The following TCF7L1 variants were observed in gnomAD, a reference collection of about 807,000 sequenced individuals.
TCF7L1 encodes transcription factor 7-like 1.
In TCF7L1, 18 loss-of-function variants were observed where a neutral mutation model predicts 63.7. The ratio of observed to expected loss-of-function variants is 0.28; its 90% CI spans 0.20 to 0.42. The LOEUF is 0.42. Ranked by LOEUF, TCF7L1 falls within the 10% of genes least tolerant of loss-of-function variation. The pLI is 1.00. For missense variants in TCF7L1, 654 were observed against 779.3 expected (o/e 0.84, Z 1.91); for synonymous variants, 355 against 340.9 (o/e 1.04, Z -0.46).
chr2:85,280,035 C>G (rs1037348070), intron 3 of TCF7L1, among the ~76,000 whole-genome samples: 1 of 152,180 alleles, frequency 6.6e-6, no homozygotes, highest in Non-Finnish European at 1.5e-5. Flanking sequence ...GTACAAAATA[C>G]AAGCATACAT....
intron 3 of TCF7L1, chr2:85,213,533 GC>G (rs1689250914): frequency 6.6e-6 from 1 of 152,162 alleles, no homozygotes; most frequent in African/African-American, 2.4e-5. Context: ...CTAAGGATTT[GC>G]CATTTCCGGC....
At position 85,280,885 on chromosome 2, in the gene TCF7L1, A is replaced by G. The variant is rs113281390; in HGVS notation, c.442-2610A>G. 1.8e-4 allele frequency among the ~76,000 whole-genome samples: 28 copies of G among 152,302 alleles called. 2 individuals are homozygous for G. Among genetic ancestry groups the G allele is most frequent in the African/African-American group, 6.5e-4 (27 of 41,562 alleles). ...GGCTGCGGGTGGAGAGTTGAGGAAG[A>G]CAGTCTTAGGAAAAGCTTCGTGACT... is the stretch of plus-strand genomic sequence containing the variant. On this transcript the variant is annotated intron_variant, in intron 3 of 11. Coordinates refer to ENST00000282111, the MANE Select transcript of TCF7L1 (RefSeq NM_031283.3).
At chr2:85,170,747 G>T (rs1413955450) in intron 3 of TCF7L1, among the ~76,000 whole-genome samples, 1 of 152,130 alleles carries the variant, frequency 6.6e-6, no homozygotes, top group Non-Finnish European at 1.5e-5. Context: ...TTTTGAAAGT[G>T]ATTTTTTCCC....
intron 3 of TCF7L1, among the ~76,000 whole-genome samples, chr2:85,140,830 CA>C (rs1286744556): frequency 6.6e-6 from 1 of 152,032 alleles, no homozygotes; most frequent in Non-Finnish European, 1.5e-5. Flanking sequence ...CATTGCACTC[CA>C]ACCTGGGCAA....
Position 85,134,479 on chromosome 2 carries a change from G to A in TCF7L1, c.441+29G>A. The A allele has an allele frequency of 6.5e-7, 1 of 1,545,944 alleles. No homozygotes were observed. The highest frequency in any genetic ancestry group is 8.7e-7 in the Non-Finnish European group (1 of 1,144,670). On this transcript the variant is annotated intron_variant, in intron 3 of 11. Coordinates refer to ENST00000282111, the MANE Select transcript of TCF7L1 (RefSeq NM_031283.3). The surrounding 1 kb of genome is among the most constrained non-coding windows in gnomAD (Gnocchi z 5.0). ...AGTGCCCGTCGGGCGCGCCGGGGAG[G>A]GTGGGAGGCCGCGGCCCGCAGGATG...
chr2:85,191,616 G>A (rs1005169606), intron 3 of TCF7L1, among the ~76,000 whole-genome samples: 28 of 152,150 alleles, frequency 1.8e-4, no homozygotes, highest in Admixed American at 3.3e-4. Flanking sequence ...CACGAGGTCA[G>A]GAGTTCGAGA....
At chr2:85,172,907 CT>C (rs1218902106) in intron 3 of TCF7L1, among the ~76,000 whole-genome samples, 1 of 152,182 alleles carries the variant, frequency 6.6e-6, no homozygotes, top group African/African-American at 2.4e-5. Flanking sequence ...CAGAGCACCC[CT>C]GCCATCATTG....
chr2:85,191,283 G>A (rs992510742), intron 3 of TCF7L1, among the ~76,000 whole-genome samples: 2 of 152,160 alleles, frequency 1.3e-5, no homozygotes, highest in African/African-American at 2.4e-5. Context: ...CATGGCTAAG[G>A]GAGGGATGTA....
At chr2:85,185,319 G>A (rs1051786263) in intron 3 of TCF7L1, among the ~76,000 whole-genome samples, 5 of 151,880 alleles carry the variant, frequency 3.3e-5, no homozygotes, top group African/African-American at 9.7e-5. Context: ...GTGCAGTGGT[G>A]CTATCGTAGC....
chr2:85,156,552 A>G (rs910304882), intron 3 of TCF7L1, among the ~76,000 whole-genome samples: 1 of 152,212 alleles, frequency 6.6e-6, no homozygotes. Flanking sequence ...CTCTGTATGT[A>G]TATGCCAAAT....
intron 3 of TCF7L1, among the ~76,000 whole-genome samples, chr2:85,269,153 C>T (rs1363467454): frequency 1.3e-5 from 2 of 152,118 alleles, no homozygotes; most frequent in Non-Finnish European, 2.9e-5. Flanking sequence ...TCTCCAATTC[C>T]TAGGGGTGCC....
intron 4 of TCF7L1, among the ~76,000 whole-genome samples, chr2:85,286,320 A>C (rs945710324): frequency 2.0e-5 from 3 of 151,586 alleles, no homozygotes; most frequent in African/African-American, 7.3e-5. Context: ...GCACCACTGC[A>C]CTCCAGCCTG....
At chr2:85,188,984 G>A (rs906786056) in intron 3 of TCF7L1, among the ~76,000 whole-genome samples, 1 of 152,038 alleles carries the variant, frequency 6.6e-6, no homozygotes, top group Non-Finnish European at 1.5e-5. Flanking sequence ...TATCTTTTTG[G>A]GGGGGTGTTT....
intron 3 of TCF7L1, among the ~76,000 whole-genome samples, chr2:85,157,397 A>G (rs1296344860): frequency 6.6e-6 from 1 of 152,208 alleles, no homozygotes; most frequent in Non-Finnish European, 1.5e-5. Flanking sequence ...TGACCCTGCA[A>G]GTAGGAACTG....
At chr2:85,161,911 CA>C (rs1678294827) in intron 3 of TCF7L1, among the ~76,000 whole-genome samples, 1 of 152,186 alleles carries the variant, frequency 6.6e-6, no homozygotes, top group Admixed American at 6.5e-5. Context: ...GCCAGGGGAA[CA>C]GTCCCACATG....
chr2:85,194,166 C>A (rs1283928071), intron 3 of TCF7L1, among the ~76,000 whole-genome samples: 1 of 152,022 alleles, frequency 6.6e-6, no homozygotes, highest in African/African-American at 2.4e-5. Flanking sequence ...AACAGAGCAC[C>A]TTCCCACCGA....
At chr2:85,258,669 G>C (rs2104343488) in intron 3 of TCF7L1, among the ~76,000 whole-genome samples, 1 of 152,284 alleles carries the variant, frequency 6.6e-6, no homozygotes, top group African/African-American at 2.4e-5. Flanking sequence ...TTAACAGTTT[G>C]TCAGCTTGAG....
intron 3 of TCF7L1, among the ~76,000 whole-genome samples, chr2:85,206,807 A>G (rs1160052775): frequency 6.6e-6 from 1 of 152,188 alleles, no homozygotes; most frequent in Non-Finnish European, 1.5e-5. Flanking sequence ...TTTAGGAGAA[A>G]ATTAATCCCA....
intron 3 of TCF7L1, among the ~76,000 whole-genome samples, chr2:85,198,199 A>G (rs1679198971): frequency 2.0e-5 from 3 of 152,242 alleles, no homozygotes; most frequent in Admixed American, 2.0e-4. Context: ...GGGTTTTATT[A>G]GCTTTTAGTA....
Sources: gnomAD v4.1 joint callset for allele counts (sites outside exome capture counted in the v4.1 genomes callset) on GRCh38, gnomAD v4.1.1 for gene constraint, Gnocchi (gnomAD v3.1) non-coding constraint, MANE v1.5 for transcripts, NCBI Gene and HGNC (gene_info 2026-07-23, HGNC 2026-07-21) for gene names.